ANK2: variants seen among roughly 807,000 people sequenced by gnomAD.
ANK2 encodes ankyrin 2, also known as ankyrin-2.
Under a neutral mutation model 360.5 loss-of-function variants are expected in ANK2, and 83 were observed. The ratio of observed to expected loss-of-function variants is 0.23; its 90% CI spans 0.19 to 0.28. The LOEUF (loss-of-function observed/expected upper bound fraction) is 0.28, where lower values mean the gene tolerates loss of function less well. Among genes scored for constraint, ANK2 ranks in the 10% least tolerant of loss-of-function variants. The pLI is 1.00. For synonymous variants in ANK2, 1,740 were observed against 1,759.5 expected (o/e 0.99, Z 0.28); for missense variants, 4,201 against 4,795.7 (o/e 0.88, Z 3.66).
the ANK2 span, among the ~76,000 whole-genome samples, chr4:112,754,399 C>A: frequency 6.6e-6 from 1 of 151,472 alleles, no homozygotes; most frequent in East Asian, 1.9e-4. Flanking sequence ...GTTCTAACAT[C>A]CTATGGTTGA....
In ANK2 at chr4:113,343,100, T is replaced by G. The variant is rs769675138; in HGVS notation, c.4206T>G (p.Ser1402Arg). ...LTKSGQHHIF[S>R]FFAFKENRLP... is the part of the protein sequence containing the mutation. Reference sequence around the variant, plus strand: ...AAAGTGGCCAGCATCATATATTCAGTTTTTTTGCCTTCAAAGAAAATAGAC... The same window carrying G: ...AAAGTGGCCAGCATCATATATTCAGGTTTTTTGCCTTCAAAGAAAATAGAC... The change falls in exon 34 of 46, where the codon AGT becomes AGG. Residue 1402 changes from serine (S) to arginine (R), a missense_variant. Ser to Arg is a moderately radical substitution (Grantham distance 110). Coordinates refer to ENST00000357077, the MANE Select transcript of ANK2 (RefSeq NM_001148.6). 3.7e-6 allele frequency: 6 copies of G among 1,613,344 alleles called. No individual in the cohort carries two copies. The highest frequency in any genetic ancestry group is 4.2e-6 in the Non-Finnish European group (5 of 1,179,392).
intron 2 of ANK2, among the ~76,000 whole-genome samples, chr4:113,009,895 CTA>C (rs1342023964): frequency 6.7e-6 from 1 of 149,482 alleles, no homozygotes; most frequent in Non-Finnish European, 1.5e-5. Context: ...GTTTTAGATT[CTA>C]TGTTTCCTAA....
intron 14 of ANK2, among the ~76,000 whole-genome samples, chr4:113,267,433 G>T (rs139454423): frequency 6.6e-6 from 1 of 152,170 alleles, no homozygotes; most frequent in East Asian, 1.9e-4. Context: ...TGTATAAGAC[G>T]TAAGAGAGGG....
At chr4:113,252,825 T>C (rs1049961440) in intron 10 of ANK2, among the ~76,000 whole-genome samples, 2 of 152,214 alleles carry the variant, frequency 1.3e-5, no homozygotes, top group East Asian at 3.8e-4. Context: ...TGCAATCAAA[T>C]GTGGCTACAG....
chr4:112,888,095 T>C (rs2078925046), intron 1 of ANK2, among the ~76,000 whole-genome samples: 1 of 152,196 alleles, frequency 6.6e-6, no homozygotes, highest in Non-Finnish European at 1.5e-5. Flanking sequence ...GGTAGTGTTT[T>C]CCTTTACTTG....
At chr4:112,872,119 C>T (rs193169913) in intron 1 of ANK2, among the ~76,000 whole-genome samples, 29 of 151,720 alleles carry the variant, frequency 1.9e-4, no homozygotes, top group Admixed American at 1.5e-3. Context: ...CTTGACCTCC[C>T]GGGCTCAAGG....
At chr4:112,785,010 A>C in the ANK2 span, among the ~76,000 whole-genome samples, 1 of 152,244 alleles carries the variant, frequency 6.6e-6, no homozygotes, top group Admixed American at 6.5e-5. Flanking sequence ...AACAAGAGGA[A>C]AATACCAGAA....
At chr4:113,174,586 A>G in intron 2 of ANK2, 69 bp downstream of exon 2, 2 of 1,218,776 alleles carry the variant, frequency 1.6e-6, no homozygotes, top group Non-Finnish European at 2.4e-6. Context: ...AGAGCCCAAG[A>G]TTATTTTTGT....
chr4:112,883,791 T>C (rs1394262471), intron 1 of ANK2, among the ~76,000 whole-genome samples: 1 of 151,434 alleles, frequency 6.6e-6, no homozygotes, highest in East Asian at 1.9e-4. Flanking sequence ...AATGAAATGG[T>C]AAATAAATAC....
At chr4:112,782,061 C>G in the ANK2 span, among the ~76,000 whole-genome samples, 1 of 152,102 alleles carries the variant, frequency 6.6e-6, no homozygotes, top group African/African-American at 2.4e-5. Flanking sequence ...AACTCCTGAC[C>G]TCGTGATCCG....
intron 26 of ANK2, among the ~76,000 whole-genome samples, chr4:113,319,605 T>G (rs2153837867): frequency 6.6e-6 from 1 of 152,144 alleles, no homozygotes; most frequent in South Asian, 2.1e-4. Context: ...TTAAAAATTT[T>G]AGACTTCTTC....
the ANK2 span, among the ~76,000 whole-genome samples, chr4:112,764,398 C>G: frequency 1.3e-5 from 2 of 151,962 alleles, no homozygotes; most frequent in African/African-American, 2.4e-5. Flanking sequence ...CGCAATGGCC[C>G]GATCTCGGCT....
At chr4:112,834,317 A>G (rs967902991) in intron 1 of ANK2, among the ~76,000 whole-genome samples, 1 of 152,204 alleles carries the variant, frequency 6.6e-6, no homozygotes, top group African/African-American at 2.4e-5. Context: ...TTATGACTGA[A>G]ATGATATGTT....
intron 20 of ANK2, among the ~76,000 whole-genome samples, chr4:113,289,938 T>C (rs561708251): frequency 9.2e-5 from 14 of 152,298 alleles, no homozygotes; most frequent in African/African-American, 3.4e-4. Context: ...ACATTTTGGT[T>C]GGAATCCAAG....
At chr4:113,096,436 T>C (rs569763456) in intron 1 of ANK2, among the ~76,000 whole-genome samples, 3 of 152,134 alleles carry the variant, frequency 2.0e-5, no homozygotes, top group African/African-American at 4.8e-5. Context: ...TCCTTCTATC[T>C]TGCTTCTCTG....
chr4:113,299,443 A>G (rs977578057), intron 22 of ANK2, among the ~76,000 whole-genome samples: 7 of 152,168 alleles, frequency 4.6e-5, no homozygotes, highest in Non-Finnish European at 8.8e-5. Context: ...GGTAGCTCAC[A>G]TCTGTAATAC....
At chr4:112,769,896 G>T in the ANK2 span, among the ~76,000 whole-genome samples, 1 of 152,182 alleles carries the variant, frequency 6.6e-6, no homozygotes, top group Non-Finnish European at 1.5e-5. Flanking sequence ...TACCCCAGTG[G>T]CACCCCTGGT....
At chr4:113,076,287 G>A (rs968534761) in intron 1 of ANK2, among the ~76,000 whole-genome samples, 3 of 152,190 alleles carry the variant, frequency 2.0e-5, no homozygotes, top group Non-Finnish European at 1.5e-5. Context: ...ATCCTTGGCC[G>A]CATGTGGCCT....
chr4:112,783,448 A>T, the ANK2 span, among the ~76,000 whole-genome samples: 1 of 152,104 alleles, frequency 6.6e-6, no homozygotes, highest in African/African-American at 2.4e-5. Flanking sequence ...TTAATTCTCC[A>T]GGTAACAACT....
Sources: allele counts gnomAD v4.1 joint callset (sites outside exome capture counted in the v4.1 genomes callset), GRCh38; gene constraint gnomAD v4.1.1; transcripts MANE v1.5; gene names NCBI Gene and HGNC (gene_info 2026-07-23, HGNC 2026-07-21).